DOCK2: variants seen among roughly 807,000 people sequenced by gnomAD.
DOCK2 encodes the protein dedicator of cytokinesis protein 2.
DOCK2 carries 87 observed loss-of-function variants against 248.9 expected under a neutral mutation model. The ratio of observed to expected loss-of-function variants is 0.35; its 90% CI spans 0.29 to 0.42. DOCK2 has a LOEUF of 0.42. Among genes scored for constraint, DOCK2 ranks in the 10% least tolerant of loss-of-function variants. DOCK2 has a pLI of 1.00. For synonymous variants in DOCK2, 805 were observed against 821.6 expected (o/e 0.98, Z 0.35); for missense variants, 1,747 against 2,300.2 (o/e 0.76, Z 4.92).
At chr5:169,850,610 T>A (rs922679484) in intron 27 of DOCK2, among the ~76,000 whole-genome samples, 2 of 152,118 alleles carry the variant, frequency 1.3e-5, no homozygotes, top group African/African-American at 4.8e-5. Context: ...CATTGTGAGC[T>A]TGGGGTAGCT....
intron 27 of DOCK2, among the ~76,000 whole-genome samples, chr5:169,940,844 GGTACCA>G (rs1377962477): frequency 6.6e-6 from 1 of 152,204 alleles, no homozygotes; most frequent in Non-Finnish European, 1.5e-5. Context: ...GCCACAGACT[GGTACCA>G]GTTCATGGTC....
rs1054105210 is a variant in DOCK2 at position 169,788,642 on chromosome 5, T to C, written c.2555-14416T>C. 4.6e-5 allele frequency among the ~76,000 whole-genome samples: 7 copies of C among 152,316 alleles called. No homozygotes were observed. The South Asian group carries it at 1.5e-3, about 32-fold the overall frequency. On this transcript the variant is annotated intron_variant, in intron 25 of 51. Transcript: ENST00000520908. ...TGGCCCCAGTAAGGGCAGTTGGAGC[T>C]CATGTTGTCTTTTCCATTGGGATGT...
At chr5:169,924,365 A>G (rs367996286) in intron 27 of DOCK2, among the ~76,000 whole-genome samples, 4 of 152,316 alleles carry the variant, frequency 2.6e-5, no homozygotes, top group African/African-American at 9.6e-5. Flanking sequence ...CTAAAAGTCT[A>G]ACCTCTTTTT....
intron 1 of DOCK2, among the ~76,000 whole-genome samples, chr5:169,641,527 C>A (rs970808069): frequency 1.3e-5 from 2 of 152,136 alleles, no homozygotes; most frequent in African/African-American, 4.8e-5. Context: ...ACCAGTTCAA[C>A]GAAAATGTGT....
Position 169,883,173 on chromosome 5 carries a change from A to T in DOCK2, c.2799+42321A>T, listed in dbSNP as rs1295385672. 13 of 1,551,298 alleles carry T rather than the reference A, an allele frequency of 8.4e-6. No homozygotes were observed. In the East Asian group the frequency reaches 3.2e-4, roughly 38 times the overall value. ...CTAGTGGAGTCACCCTTCTCCCATC[A>T]CCTGGACGTGTGTCATCCAAAGGGT... On this transcript the variant is annotated intron_variant, in intron 27 of 51. Coordinates refer to ENST00000520908, the MANE Select transcript of DOCK2 (RefSeq NM_004946.3).
intron 27 of DOCK2, among the ~76,000 whole-genome samples, chr5:169,908,720 T>C (rs1386502283): frequency 1.1e-4 from 16 of 145,614 alleles, no homozygotes; most frequent in Admixed American, 8.2e-4. Context: ...TTTCTTTTTT[T>C]TTTTTTTTTT....
intron 1 of DOCK2, among the ~76,000 whole-genome samples, chr5:169,651,599 A>G (rs1220261637): frequency 2.0e-5 from 3 of 152,164 alleles, no homozygotes; most frequent in Non-Finnish European, 2.9e-5. Context: ...AGTTGCTTCC[A>G]CCATCCTGTC....
Position 169,674,308 on chromosome 5 carries a change from G to C in DOCK2, c.333G>C (p.Lys111Asn), listed in dbSNP as rs1254809594. Reference sequence around the variant, plus strand: ...TTCTTGTCTCCTAGGCCAGCAAAAAGGAGCGTTTTCTCCAGGTGCAGTCCA... The same window carrying C: ...TTCTTGTCTCCTAGGCCAGCAAAAACGAGCGTTTTCTCCAGGTGCAGTCCA... ...IWKQLYVASK[K>N]ERFLQVQSMM... The change falls in exon 6 of 52, where the codon AAG (lysine) becomes AAC (asparagine). Residue 111 changes from lysine to asparagine, a missense_variant. Around this residue, in one of 4 missense-constraint regions of DOCK2, gnomAD observed 375 missense variants for 510.9 expected, o/e 0.73. Coordinates refer to ENST00000520908, the MANE Select transcript of DOCK2 (RefSeq NM_004946.3). The C allele has an allele frequency of 6.2e-7, 1 of 1,614,036 alleles. No homozygotes were observed. Among genetic ancestry groups the C allele is most frequent in the South Asian group, 1.1e-5 (1 of 91,074 alleles).
intron 27 of DOCK2, among the ~76,000 whole-genome samples, chr5:169,887,865 T>A (rs6879439): frequency 1.3e-5 from 2 of 152,048 alleles, no homozygotes; most frequent in Non-Finnish European, 2.9e-5. Flanking sequence ...CATGAGAAGG[T>A]CTTTCACCAG....
intron 47 of DOCK2, among the ~76,000 whole-genome samples, chr5:170,076,378 C>T (rs1398775081): frequency 6.6e-6 from 1 of 152,152 alleles, no homozygotes; most frequent in African/African-American, 2.4e-5. Flanking sequence ...ATGTGCCAGG[C>T]CTGATTCAAG....
At chr5:169,772,338 T>G (rs1225557417) in intron 25 of DOCK2, among the ~76,000 whole-genome samples, 1 of 152,236 alleles carries the variant, frequency 6.6e-6, no homozygotes, top group Non-Finnish European at 1.5e-5. Flanking sequence ...GAAATAATTT[T>G]CCTTATGGTA....
chr5:169,965,252 T>TGGGCCTAATACCCACCTGC (rs1777253818), intron 27 of DOCK2, among the ~76,000 whole-genome samples: 1 of 152,252 alleles, frequency 6.6e-6, no homozygotes, highest in Admixed American at 6.5e-5. Flanking sequence ...CTGCAGATCT[T>TGGGCCTAATACCCACCTGC]AGAATCACAT....
chr5:169,745,111 A>G (rs1763536513), intron 22 of DOCK2, among the ~76,000 whole-genome samples: 1 of 152,232 alleles, frequency 6.6e-6, no homozygotes, highest in South Asian at 2.1e-4. Flanking sequence ...GGCAAAAGGC[A>G]TGATGAGTGG....
intron 40 of DOCK2, among the ~76,000 whole-genome samples, chr5:170,049,908 T>C (rs1202118781): frequency 1.3e-5 from 2 of 152,184 alleles, no homozygotes; most frequent in Non-Finnish European, 2.9e-5. Context: ...ACATGGCCCA[T>C]TACAGGCAAC....
chr5:169,859,958 C>CTTTTTTTTTTTTT (rs759586059), intron 27 of DOCK2, among the ~76,000 whole-genome samples: 4 of 107,218 alleles, frequency 3.7e-5, no homozygotes, highest in Non-Finnish European at 5.4e-5. Flanking sequence ...GTGGATCCTT[C>CTTTTTTTTTTTTT]TTTTTTTTTT....
At chr5:169,808,053 A>C (rs1767504917) in intron 26 of DOCK2, among the ~76,000 whole-genome samples, 1 of 152,084 alleles carries the variant, frequency 6.6e-6, no homozygotes, top group Admixed American at 6.6e-5. Context: ...TTGAACACTT[A>C]GATGAAAACT....
chr5:169,919,358 C>G (rs1320133213), intron 27 of DOCK2, among the ~76,000 whole-genome samples: 2 of 152,206 alleles, frequency 1.3e-5, no homozygotes, highest in Non-Finnish European at 2.9e-5. Flanking sequence ...ACTGCGTTGC[C>G]TTCCCTCCAT....
At chr5:169,841,548 T>C in intron 27 of DOCK2, 1 of 754,530 alleles carries the variant, frequency 1.3e-6, no homozygotes, top group Non-Finnish European at 1.6e-6. Flanking sequence ...GTTGTCCATC[T>C]CACTCAGAAT....
intron 26 of DOCK2, among the ~76,000 whole-genome samples, chr5:169,814,735 A>G (rs1427388917): frequency 6.6e-6 from 1 of 152,184 alleles, no homozygotes; most frequent in Non-Finnish European, 1.5e-5. Flanking sequence ...ATGATTACTC[A>G]CTTATGAAGA....
Sources: gnomAD v4.1 joint callset for allele counts (sites outside exome capture counted in the v4.1 genomes callset) on GRCh38, gnomAD v4.1.1 for gene constraint, gnomAD v4.1.1 regional missense constraint, MANE v1.5 for transcripts, NCBI Gene and HGNC (gene_info 2026-07-23, HGNC 2026-07-21) for gene names.